SPOCK1: variants seen among roughly 807,000 people sequenced by gnomAD.
SPOCK1 encodes the protein SPARC (osteonectin), cwcv and kazal like domains proteoglycan 1.
SPOCK1 carries 23 observed loss-of-function variants against 55.3 expected under a neutral mutation model. That is an observed-to-expected ratio of 0.42 (90% CI 0.30 to 0.59). SPOCK1 has a LOEUF of 0.59. Among genes scored for constraint, SPOCK1 ranks in the 20% least tolerant of loss-of-function variants. The pLI, the probability that SPOCK1 is intolerant of heterozygous loss-of-function variation, is 0.22. For synonymous variants in SPOCK1, 226 were observed against 221.0 expected, an observed-to-expected ratio of 1.02 and a Z score of -0.20; for missense variants, 499 against 552.5, an observed-to-expected ratio of 0.90 and a Z score of 0.97.
chr5:137,471,611 T>C (rs968415839), intron 2 of SPOCK1, among the ~76,000 whole-genome samples: 2 of 152,198 alleles, frequency 1.3e-5, no homozygotes, highest in African/African-American at 4.8e-5. Flanking sequence ...GCTGGAGACT[T>C]CAGGACCCTG....
At chr5:137,282,319 G>A (rs1453782057) in intron 2 of SPOCK1, among the ~76,000 whole-genome samples, 5 of 152,318 alleles carry the variant, frequency 3.3e-5, no homozygotes, top group East Asian at 1.9e-4. Flanking sequence ...AGCGGCAGCC[G>A]CTGCTCTGTG....
At chr5:137,422,707 T>A (rs1055848960) in intron 2 of SPOCK1, among the ~76,000 whole-genome samples, 2 of 152,216 alleles carry the variant, frequency 1.3e-5, no homozygotes, top group African/African-American at 4.8e-5. Flanking sequence ...CCAAGGTTTT[T>A]AACTTCTTTG....
chr5:137,366,927 C>A (rs1436196984), intron 2 of SPOCK1, among the ~76,000 whole-genome samples: 2 of 152,206 alleles, frequency 1.3e-5, no homozygotes, highest in African/African-American at 4.8e-5. Flanking sequence ...GAATAACAAA[C>A]AACTATGGTT....
intron 4 of SPOCK1, among the ~76,000 whole-genome samples, chr5:137,124,294 G>C (rs11746979): frequency 0.23 from 35,103 of 152,098 alleles, 4,567 homozygotes; most frequent in East Asian, 0.51. Flanking sequence ...TCAGGGTTGA[G>C]CAGCTCACCA....
At chr5:137,149,394 T>C (rs938686894) in intron 3 of SPOCK1, among the ~76,000 whole-genome samples, 5 of 152,234 alleles carry the variant, frequency 3.3e-5, no homozygotes, top group African/African-American at 1.2e-4. Context: ...AGTAAAGGTA[T>C]TTGGGTTCTA....
At chr5:137,286,317 T>C (rs1207832653) in intron 2 of SPOCK1, among the ~76,000 whole-genome samples, 2 of 152,204 alleles carry the variant, frequency 1.3e-5, no homozygotes, top group Non-Finnish European at 2.9e-5. Flanking sequence ...ATTTATACTA[T>C]GAGTAAGAAG....
intron 6 of SPOCK1, among the ~76,000 whole-genome samples, chr5:137,031,512 A>C (rs1751778479): frequency 6.6e-6 from 1 of 152,264 alleles, no homozygotes; most frequent in Non-Finnish European, 1.5e-5. Flanking sequence ...TAATATGTAC[A>C]GTAAGGATGA....
At chr5:137,097,357 A>C (rs745631489) in intron 5 of SPOCK1, among the ~76,000 whole-genome samples, 1 of 152,210 alleles carries the variant, frequency 6.6e-6, no homozygotes. Context: ...CCCAGCAACC[A>C]AAGTTGCTGC....
intron 2 of SPOCK1, among the ~76,000 whole-genome samples, chr5:137,466,399 T>C (rs1041528306): frequency 2.0e-5 from 3 of 152,244 alleles, no homozygotes; most frequent in Non-Finnish European, 4.4e-5. Context: ...GCTGAGGCAC[T>C]GCCCAAATCT....
chr5:137,304,124 C>G (rs1488392736), intron 2 of SPOCK1, among the ~76,000 whole-genome samples: 2 of 150,190 alleles, frequency 1.3e-5, no homozygotes, highest in African/African-American at 4.9e-5. Context: ...ACAGAAGAAT[C>G]AAATTCTTTA....
intron 3 of SPOCK1, among the ~76,000 whole-genome samples, chr5:137,204,228 A>AC (rs1554069958): frequency 2.6e-5 from 4 of 152,100 alleles, no homozygotes; most frequent in Non-Finnish European, 5.9e-5. Context: ...TGCTAATATT[A>AC]TTTTTTTATT....
chr5:137,302,027 T>C (rs1757601503), intron 2 of SPOCK1, among the ~76,000 whole-genome samples: 1 of 152,116 alleles, frequency 6.6e-6, no homozygotes. Flanking sequence ...ATGAAATTGG[T>C]TCTTGAAGAG....
At chr5:137,266,773 T>C (rs1756860387) in intron 3 of SPOCK1, among the ~76,000 whole-genome samples, 1 of 152,028 alleles carries the variant, frequency 6.6e-6, no homozygotes, top group Non-Finnish European at 1.5e-5. Flanking sequence ...AACGAATCAA[T>C]GATTATATTG....
At chr5:137,279,234 G>C (rs542670341) in intron 2 of SPOCK1, among the ~76,000 whole-genome samples, 1 of 152,324 alleles carries the variant, frequency 6.6e-6, no homozygotes, top group South Asian at 2.1e-4. Flanking sequence ...GGACACCAGC[G>C]AAGACTAACA....
At chr5:137,184,906 C>A (rs939746766) in intron 3 of SPOCK1, among the ~76,000 whole-genome samples, 1 of 152,164 alleles carries the variant, frequency 6.6e-6, no homozygotes, top group Non-Finnish European at 1.5e-5. Context: ...TCCTTCTCAT[C>A]CACATGTCCC....
intron 2 of SPOCK1, among the ~76,000 whole-genome samples, chr5:137,364,589 T>C (rs1751016615): frequency 6.6e-6 from 1 of 152,128 alleles, no homozygotes; most frequent in Non-Finnish European, 1.5e-5. Flanking sequence ...CACCTATAGC[T>C]TCCCCACCTA....
chr5:137,361,256 C>T (rs2127166161), intron 2 of SPOCK1, among the ~76,000 whole-genome samples: 1 of 152,286 alleles, frequency 6.6e-6, no homozygotes, highest in East Asian at 1.9e-4. Context: ...TTAAGCCACC[C>T]AGTCTATGGT....
intron 5 of SPOCK1, 69 bp downstream of exon 5, chr5:137,112,366 G>A (rs1301979362): frequency 2.6e-6 from 4 of 1,564,392 alleles, no homozygotes; most frequent in Non-Finnish European, 3.5e-6. Context: ...CCCAGTTTTG[G>A]CATAGAGAAG....
intron 3 of SPOCK1, among the ~76,000 whole-genome samples, chr5:137,180,797 C>T (rs753914292): frequency 3.9e-5 from 6 of 152,126 alleles, no homozygotes; most frequent in African/African-American, 1.4e-4. Context: ...AATAGAAGCC[C>T]CCAGGGTTTA....
Sources: allele counts gnomAD v4.1 joint callset (sites outside exome capture counted in the v4.1 genomes callset), GRCh38; gene constraint gnomAD v4.1.1; transcripts MANE v1.5; gene names NCBI Gene and HGNC (gene_info 2026-07-23, HGNC 2026-07-21).